The following KIF16B variants were observed in gnomAD, a reference collection of about 807,000 sequenced individuals.
KIF16B encodes the protein kinesin-like protein KIF16B.
KIF16B carries 98 observed loss-of-function variants against 156.3 expected under a neutral mutation model. That is an observed-to-expected ratio of 0.63 (90% CI 0.53 to 0.74). The LOEUF (loss-of-function observed/expected upper bound fraction) is 0.74, where lower values mean the gene tolerates loss of function less well. Ranked by LOEUF, KIF16B falls within the 30% of genes least tolerant of loss-of-function variation. The pLI, the probability that KIF16B is intolerant of heterozygous loss-of-function variation, is 0.00. For missense variants in KIF16B, 1,421 were observed against 1,606.5 expected (o/e 0.88, Z 1.97); for synonymous variants, 564 against 583.7 (o/e 0.97, Z 0.49).
chr20:16,492,609 A>G (rs983816680), intron 12 of KIF16B, among the ~76,000 whole-genome samples: 5 of 152,128 alleles, frequency 3.3e-5, no homozygotes, highest in African/African-American at 1.2e-4. Flanking sequence ...TCTGAGAAAA[A>G]GCATAAGAAA....
At position 16,447,490 on chromosome 20, in the gene KIF16B, G is replaced by A. The variant is rs896695377; in HGVS notation, c.1303-17508C>T. Among the ~76,000 whole-genome samples, 5 of 151,870 alleles carry A rather than the reference G, an allele frequency of 3.3e-5. No individual in the cohort carries two copies. The East Asian group carries it at 5.8e-4, about 18-fold the overall frequency. ...GAAAAGTCCAATAAAAATGCCTATT[G>A]CGGCTGGGTGCAGTGGCTCACACCT... is the stretch of plus-strand genomic sequence containing the variant. On this transcript the variant is annotated intron_variant, in intron 12 of 25. Transcript: ENST00000354981.
chr20:16,295,458 C>T (rs2063371562), intron 25 of KIF16B, among the ~76,000 whole-genome samples: 1 of 150,900 alleles, frequency 6.6e-6, no homozygotes, highest in South Asian at 2.1e-4. Flanking sequence ...AGCTATAATC[C>T]ATATTAGTAT....
At chr20:16,517,804 C>T (rs1244192443) in intron 3 of KIF16B, among the ~76,000 whole-genome samples, 4 of 152,142 alleles carry the variant, frequency 2.6e-5, no homozygotes, top group Admixed American at 6.5e-5. Context: ...ACACAAAAGG[C>T]AAATACCATT....
At chr20:16,568,819 CAAAAAAAAAAAAAAA>C (rs57421025) in intron 1 of KIF16B, among the ~76,000 whole-genome samples, 20 of 55,498 alleles carry the variant, frequency 3.6e-4, no homozygotes, top group Admixed American at 9.8e-4. Flanking sequence ...GACCCTGTCT[CAAAAAAAAAAAAAAA>C]AAAAAAAAAA....
intron 15 of KIF16B, among the ~76,000 whole-genome samples, chr20:16,411,140 T>A (rs1811997258): frequency 6.6e-6 from 1 of 152,152 alleles, no homozygotes; most frequent in South Asian, 2.1e-4. Flanking sequence ...ACCAGCCTGC[T>A]GAATATTCAC....
rs73898747 is a variant in KIF16B at position 16,437,008 on chromosome 20, G to A, written c.1303-7026C>T. Among the ~76,000 whole-genome samples the A allele has an allele frequency of 4.6e-3, 695 of 152,256 alleles. 3 individuals carry two copies. Among genetic ancestry groups the A allele is most frequent in the Middle Eastern group, 0.024 (7 of 294 alleles). ...GCTCAAGTCTCTCACGTAAAATGGC[G>A]TAGTACTTGCATATAACCTATGCAT... On this transcript the variant is annotated intron_variant, in intron 12 of 25. Coordinates refer to ENST00000354981, the MANE Select transcript of KIF16B (RefSeq NM_024704.5).
chr20:16,487,786 C>T (rs533433803), intron 12 of KIF16B, among the ~76,000 whole-genome samples: 10 of 152,286 alleles, frequency 6.6e-5, no homozygotes, highest in African/African-American at 1.9e-4. Flanking sequence ...CCTACTCCCC[C>T]AGAGAAGGAA....
intron 1 of KIF16B, among the ~76,000 whole-genome samples, chr20:16,566,609 T>G (rs370685410): frequency 1.3e-5 from 2 of 152,254 alleles, no homozygotes; most frequent in East Asian, 3.9e-4. Flanking sequence ...ACGAGGTGGG[T>G]CCTATGGAGA....
intron 2 of KIF16B, among the ~76,000 whole-genome samples, chr20:16,527,980 C>T (rs1158515134): frequency 6.6e-6 from 1 of 151,744 alleles, no homozygotes; most frequent in Non-Finnish European, 1.5e-5. Flanking sequence ...CAAGGATTAC[C>T]AAACATGATC....
At chr20:16,467,898 G>T (rs560241566) in intron 12 of KIF16B, among the ~76,000 whole-genome samples, 1 of 152,058 alleles carries the variant, frequency 6.6e-6, no homozygotes, top group African/African-American at 2.4e-5. Flanking sequence ...GAGAGAAAAT[G>T]GAATCATATA....
At chr20:16,358,946 T>C (rs886266039) in intron 22 of KIF16B, among the ~76,000 whole-genome samples, 4 of 152,232 alleles carry the variant, frequency 2.6e-5, no homozygotes, top group Non-Finnish European at 5.9e-5. Context: ...GGTCAGGCCT[T>C]GGGAATACAA....
chr20:16,313,484 G>A (rs555869830), intron 24 of KIF16B, among the ~76,000 whole-genome samples: 14 of 152,254 alleles, frequency 9.2e-5, no homozygotes, highest in Admixed American at 2.0e-4. Context: ...GGAAGAACTG[G>A]ATGTATTTTC....
intron 12 of KIF16B, among the ~76,000 whole-genome samples, chr20:16,463,690 G>T (rs938272879): frequency 6.6e-6 from 1 of 152,104 alleles, no homozygotes; most frequent in African/African-American, 2.4e-5. Context: ...TCTTCTGATA[G>T]GTCCAGGTAA....
intron 25 of KIF16B, among the ~76,000 whole-genome samples, chr20:16,287,764 G>A (rs2063247089): frequency 6.6e-6 from 1 of 152,208 alleles, no homozygotes; most frequent in African/African-American, 2.4e-5. Context: ...CTCACAAATA[G>A]ACAATCCATA....
At chr20:16,410,034 T>C (rs183801505) in intron 15 of KIF16B, among the ~76,000 whole-genome samples, 833 of 77,270 alleles carry the variant, frequency 0.011, 32 homozygotes, top group Non-Finnish European at 0.016. Flanking sequence ...TATATGTAGG[T>C]ACATATATAT....
chr20:16,435,829 A>C (rs2066627653), intron 12 of KIF16B, among the ~76,000 whole-genome samples: 1 of 152,106 alleles, frequency 6.6e-6, no homozygotes, highest in African/African-American at 2.4e-5. Flanking sequence ...ATTATGTATT[A>C]GTCCTGCAAT....
rs1241013811 is a variant in KIF16B, at chr20:16,367,775, A to G, written c.3498+2811T>C. 4 of 1,612,588 alleles carry G rather than the reference A, an allele frequency of 2.5e-6. No homozygotes were observed. The Admixed American group carries it at 6.7e-5, about 27-fold the overall frequency. On this transcript the variant is annotated intron_variant, in intron 22 of 25. Coordinates refer to ENST00000354981, the MANE Select transcript of KIF16B (RefSeq NM_024704.5). ...TGCTGGAGCAAGGGATGATTAGCGC[A>G]GGCAGCGGCATCAGGCTCTGGCATC...
At chr20:16,428,117 C>T (rs1285601073) in intron 14 of KIF16B, among the ~76,000 whole-genome samples, 1 of 152,154 alleles carries the variant, frequency 6.6e-6, no homozygotes, top group Admixed American at 6.5e-5. Flanking sequence ...ATAGGTGAAT[C>T]TGGGGACTTC....
At chr20:16,465,456 G>A (rs1380250787) in intron 12 of KIF16B, among the ~76,000 whole-genome samples, 1 of 152,192 alleles carries the variant, frequency 6.6e-6, no homozygotes, top group Non-Finnish European at 1.5e-5. Context: ...ACCATGTGCA[G>A]CGATTTCAAT....
Sources: gnomAD v4.1 joint callset for allele counts (sites outside exome capture counted in the v4.1 genomes callset) on GRCh38, gnomAD v4.1.1 for gene constraint, MANE v1.5 for transcripts, NCBI Gene and HGNC (gene_info 2026-07-23, HGNC 2026-07-21) for gene names.